The following NRG4 variants were observed in gnomAD, a reference collection of about 807,000 sequenced individuals.
NRG4 encodes pro-neuregulin-4, membrane-bound isoform.
A neutral mutation model predicts 15.0 loss-of-function variants in NRG4; 10 were observed. The observed-to-expected ratio is 0.67, with a 90% confidence interval of 0.41 to 1.13. The LOEUF is 1.13. Among genes scored for constraint, NRG4 ranks in the 50% most tolerant of loss-of-function variants. The probability of loss-of-function intolerance (pLI) is 0.00; values close to 1 mark genes in which losing one functional copy is unlikely to be tolerated. For synonymous variants in NRG4, 41 were observed against 50.1 expected (o/e 0.82, Z 0.77); for missense variants, 139 against 140.2 (o/e 0.99, Z 0.04).
intron 5 of NRG4, among the ~76,000 whole-genome samples, chr15:75,955,708 GAT>G (rs747805319): frequency 1.0e-4 from 15 of 144,868 alleles, no homozygotes; most frequent in Non-Finnish European, 1.8e-4. Context: ...CATATATTGA[GAT>G]AACATTGTTT....
At chr15:75,957,454 C>G (rs335726) in intron 4 of NRG4, among the ~76,000 whole-genome samples, 142,854 of 152,304 alleles carry the variant, frequency 0.94, 67,310 homozygotes, top group East Asian at 1. Flanking sequence ...TTGCTTCTTT[C>G]CAACTGAGAA....
At chr15:75,952,346 A>G (rs996135915) in intron 5 of NRG4, among the ~76,000 whole-genome samples, 7 of 152,090 alleles carry the variant, frequency 4.6e-5, no homozygotes, top group Non-Finnish European at 8.8e-5. Context: ...GTGTTCCTTT[A>G]TGACTGGGTC....
chr15:75,990,090 G>A (rs530529332), intron 3 of NRG4, among the ~76,000 whole-genome samples: 20 of 152,220 alleles, frequency 1.3e-4, no homozygotes, highest in African/African-American at 4.1e-4. Flanking sequence ...TAAACACATC[G>A]CAGCCCTGCC....
chr15:75,947,913 TG>T (rs1295673412), intron 5 of NRG4, among the ~76,000 whole-genome samples: 1 of 152,220 alleles, frequency 6.6e-6, no homozygotes, highest in African/African-American at 2.4e-5. Flanking sequence ...TTTGTGATGT[TG>T]AGTATCTTTT....
Position 75,949,392 on chromosome 15 carries a change from C to CAA in NRG4, c.332-5740_332-5739dup, listed in dbSNP as rs59154521. The stretch of plus-strand genomic sequence containing the variant: ...TGCCACTGCACTCCAGCCTGGGTGA[C>CAA]AAAAAAAAAAAAAAAAAAATCTTGC... On this transcript the variant is annotated intron_variant, in intron 5 of 5. Coordinates refer to ENST00000394907, the MANE Select transcript of NRG4 (RefSeq NM_138573.4). 3.5e-3 allele frequency among the ~76,000 whole-genome samples: 512 copies of CAA among 144,382 alleles called. 5 individuals are homozygous for CAA. The highest frequency in any genetic ancestry group is 0.012 in the African/African-American group (474 of 38,882). The allele number at this position is 144,382 out of a possible 152,430, so 94.7% of individuals were successfully genotyped here.
chr15:76,058,044 A>G (rs2036196852), intron 1 of NRG4, among the ~76,000 whole-genome samples: 2 of 152,132 alleles, frequency 1.3e-5, no homozygotes, highest in African/African-American at 4.8e-5. Flanking sequence ...TTATAACTGG[A>G]TGCTTCTCAA....
intron 2 of NRG4, among the ~76,000 whole-genome samples, chr15:76,010,765 T>C (rs1364205079): frequency 6.6e-6 from 1 of 152,122 alleles, no homozygotes; most frequent in Non-Finnish European, 1.5e-5. Context: ...GGCGTCATCA[T>C]ATATGGTTTT....
intron 3 of NRG4, among the ~76,000 whole-genome samples, chr15:75,963,251 C>T (rs1019030478): frequency 2.0e-5 from 3 of 152,052 alleles, no homozygotes; most frequent in African/African-American, 4.8e-5. Flanking sequence ...TTAAGCAAAG[C>T]GGCAGTCTAG....
chr15:76,053,642 C>T (rs891326197), intron 2 of NRG4, among the ~76,000 whole-genome samples: 1 of 150,566 alleles, frequency 6.6e-6, no homozygotes, highest in Non-Finnish European at 1.5e-5. Context: ...CTGCAACCTC[C>T]GCCTCCTGGT....
At chr15:75,965,742 G>A (rs1182834913) in intron 3 of NRG4, among the ~76,000 whole-genome samples, 3 of 152,142 alleles carry the variant, frequency 2.0e-5, no homozygotes, top group African/African-American at 7.2e-5. Flanking sequence ...CAAATTTCAG[G>A]CAAACAGAAT....
chr15:76,000,826 A>G (rs2034387470), intron 3 of NRG4, among the ~76,000 whole-genome samples: 1 of 152,186 alleles, frequency 6.6e-6, no homozygotes, highest in Non-Finnish European at 1.5e-5. Context: ...GTATATTCAC[A>G]CAAACAGAAT....
chr15:76,029,742 G>T (rs2141939926), intron 5 of NRG4, among the ~76,000 whole-genome samples: 1 of 152,230 alleles, frequency 6.6e-6, no homozygotes, highest in African/African-American at 2.4e-5. Context: ...TCCCTACAAT[G>T]AAAACTATAA....
Position 75,943,664 on chromosome 15 carries a change from ATAAG to A in NRG4, c.332-14_332-11del, listed in dbSNP as rs763042424. The A allele has an allele frequency of 1.3e-4, 195 of 1,538,194 alleles. No homozygotes were observed. The highest frequency in any genetic ancestry group is 3.3e-4 in the African/African-American group (24 of 73,486). On this transcript the variant is annotated splice_polypyrimidine_tract_variant and intron_variant, in intron 5 of 5. Transcript: ENST00000394907. ...CAGTGTTGTTCATGACCTGTGAAAA[ATAAG>A]TAAGAATTAAGATGCTTTCTCCATT... is the stretch of plus-strand genomic sequence containing the variant.
intron 4 of NRG4, among the ~76,000 whole-genome samples, chr15:76,038,957 A>C (rs978817939): frequency 1.3e-5 from 2 of 152,218 alleles, no homozygotes; most frequent in Admixed American, 6.5e-5. Context: ...GAGAATAAGA[A>C]TCTCTGCCTG....
chr15:75,959,614 C>T (rs1375187720), intron 4 of NRG4, among the ~76,000 whole-genome samples: 1 of 152,098 alleles, frequency 6.6e-6, no homozygotes, highest in African/African-American at 2.4e-5. Context: ...CCTGCTTCTG[C>T]TTCCCGAGTA....
intron 3 of NRG4, among the ~76,000 whole-genome samples, chr15:75,964,735 G>A (rs1047295590): frequency 6.6e-6 from 1 of 151,814 alleles, no homozygotes; most frequent in Non-Finnish European, 1.5e-5. Context: ...AGACCAGCCT[G>A]GGCAACATGG....
chr15:76,024,102 G>A (rs969959936), intron 5 of NRG4, among the ~76,000 whole-genome samples: 1 of 152,204 alleles, frequency 6.6e-6, no homozygotes, highest in African/African-American at 2.4e-5. Flanking sequence ...CAGATTCATG[G>A]GCTACTCCTA....
chr15:76,041,559 T>A (rs2035738783), intron 4 of NRG4, among the ~76,000 whole-genome samples: 2 of 151,926 alleles, frequency 1.3e-5, no homozygotes, highest in South Asian at 4.1e-4. Flanking sequence ...ATAGATTCCA[T>A]GACAAAAACT....
In NRG4 at chr15:76,019,720, G is replaced by A. The variant is rs547466661; in HGVS notation, c.-56-8434C>T. 2.0e-5 allele frequency among the ~76,000 whole-genome samples: 3 copies of A among 152,230 alleles called. No homozygotes were observed. In the South Asian group the frequency reaches 6.2e-4, roughly 32 times the overall value. On this transcript the variant is annotated intron_variant, in intron 5 of 8. Transcript: ENST00000563910. ...TGAGATAAGCCAGGTTCCTCAGCCA[G>A]AAATGCAGAAATCACCCGCCTTCTG...
Sources: allele counts gnomAD v4.1 joint callset (sites outside exome capture counted in the v4.1 genomes callset), GRCh38; gene constraint gnomAD v4.1.1; transcripts MANE v1.5; gene names NCBI Gene and HGNC (gene_info 2026-07-23, HGNC 2026-07-21).